Variants in ARID4B observed in about 807,000 individuals in gnomAD.
ARID4B encodes AT-rich interactive domain-containing protein 4B.
In ARID4B, 26 loss-of-function variants were observed where a neutral mutation model predicts 147.5. That is an observed-to-expected ratio of 0.18 (90% CI 0.13 to 0.24). ARID4B has a LOEUF of 0.24. ARID4B is among the 10% of genes least tolerant of loss of function. The pLI is 1.00. For synonymous variants in ARID4B, 512 were observed against 507.9 expected (o/e 1.01, Z -0.11); for missense variants, 1,179 against 1,511.5 (o/e 0.78, Z 3.65).
chr1:235,319,049 G>T (rs903629410), intron 2 of ARID4B, among the ~76,000 whole-genome samples: 8 of 152,278 alleles, frequency 5.3e-5, no homozygotes, highest in Admixed American at 3.3e-4. Flanking sequence ...AGCTACTCAG[G>T]AAGTTGAGGG....
intron 2 of ARID4B, among the ~76,000 whole-genome samples, chr1:235,293,074 C>T (rs941257354): frequency 3.9e-5 from 6 of 152,156 alleles, no homozygotes; most frequent in Non-Finnish European, 8.8e-5. Flanking sequence ...AACCAGAGCT[C>T]CTATTTTATT....
intron 2 of ARID4B, among the ~76,000 whole-genome samples, chr1:235,302,153 G>GAAAAAAAAAAAAAAAAAAAAAA (rs749154889): frequency 3.3e-5 from 1 of 30,654 alleles, no homozygotes; most frequent in Non-Finnish European, 5.5e-5. Flanking sequence ...TCAAAAAACG[G>GAAAAAAAAAAAAAAAAAAAAAA]AAAAAAAAAA....
At chr1:235,268,050 G>A (rs936142570) in intron 2 of ARID4B, among the ~76,000 whole-genome samples, 2 of 152,178 alleles carry the variant, frequency 1.3e-5, no homozygotes, top group African/African-American at 4.8e-5. Context: ...GACAGAAGCT[G>A]AATATACAAG....
At chr1:235,290,360 T>C (rs1672257358) in intron 2 of ARID4B, among the ~76,000 whole-genome samples, 1 of 151,568 alleles carries the variant, frequency 6.6e-6, no homozygotes, top group South Asian at 2.1e-4. Flanking sequence ...GGAGAACTGC[T>C]TGAACCAGGG....
chr1:235,247,603 A>C (rs1248315062), intron 6 of ARID4B, among the ~76,000 whole-genome samples: 1 of 152,234 alleles, frequency 6.6e-6, no homozygotes, highest in Non-Finnish European at 1.5e-5. Flanking sequence ...CATAGCTTTC[A>C]CAACTCTCAT....
intron 19 of ARID4B, among the ~76,000 whole-genome samples, chr1:235,192,701 T>A (rs926871927): frequency 6.6e-6 from 1 of 152,118 alleles, no homozygotes; most frequent in African/African-American, 2.4e-5. Flanking sequence ...CTCATAGATA[T>A]GTCCCCTTCC....
chr1:235,314,595 AAG>A (rs1674301138), intron 2 of ARID4B, among the ~76,000 whole-genome samples: 1 of 152,204 alleles, frequency 6.6e-6, no homozygotes, highest in African/African-American at 2.4e-5. Flanking sequence ...GCAGTAAATT[AAG>A]AGAGGGGACA....
Position 235,319,122 on chromosome 1 carries a change from C to A in ARID4B, c.6+7792G>T, listed in dbSNP as rs534569728. 3.9e-5 allele frequency among the ~76,000 whole-genome samples: 6 copies of A among 152,032 alleles called. No homozygotes were observed. In the South Asian group the frequency reaches 1.2e-3, roughly 32 times the overall value. ...TAGGTAACACAGCAAGACCTCATCT[C>A]TAAAAAAACAAACAAAAGAAATTAA... On this transcript the variant is annotated intron_variant, in intron 2 of 23. Transcript: ENST00000264183.
rs115244684 is a variant in ARID4B at position 235,194,063 on chromosome 1, G to A, written c.2075C>T (p.Thr692Ile). Residue 692 changes from threonine to isoleucine, a missense_variant, in exon 19 of 24, where the codon ACT becomes ATT. This residue lies in a region of ARID4B where 321 missense variants were observed against 342.4 expected (regional missense o/e 0.94). Coordinates refer to ENST00000264183, the MANE Select transcript of ARID4B (RefSeq NM_016374.6). ...LDLTDAKNSD[T>I]AHIKSIEITS... ...AATTTCTATGGACTTAATATGAGCA[G>A]TATCAGAGTTTTTGGCATCAGTGAG... The A allele has an allele frequency of 3.1e-6, 5 of 1,612,438 alleles. No homozygotes were observed. The highest frequency in any genetic ancestry group is 1.3e-5 in the African/African-American group (1 of 74,998).
Position 235,171,853 on chromosome 1 carries a change from G to C in ARID4B, c.3811+765C>G, listed in dbSNP as rs976856797. ...GACGGGGTTTCACTATGTTGGCCAA[G>C]CTGGTCTCGACCTCCTGACCTCAGG... On this transcript the variant is annotated intron_variant, in intron 23 of 23. Transcript: ENST00000264183. 3.9e-5 allele frequency among the ~76,000 whole-genome samples: 6 copies of C among 152,166 alleles called. 1 individual carries two copies. The highest frequency in any genetic ancestry group is 6.8e-3 in the Middle Eastern group (2 of 294).
chr1:235,318,168 C>CTTTTTTTTTTT, intron 2 of ARID4B, among the ~76,000 whole-genome samples: 1 of 111,988 alleles, frequency 8.9e-6, no homozygotes, highest in Non-Finnish European at 1.7e-5. Flanking sequence ...CTTGCTACTC[C>CTTTTTTTTTTT]TTTTTTTTTT....
chr1:235,312,072 G>A (rs1674087589), intron 2 of ARID4B, among the ~76,000 whole-genome samples: 1 of 151,960 alleles, frequency 6.6e-6, no homozygotes, highest in South Asian at 2.1e-4. Flanking sequence ...GGCAAATCAC[G>A]AGCTCAAGAG....
rs1675476545 is a variant in ARID4B, at chr1:235,328,080, G to A, written c.-361C>T. 1 of 153,238 alleles carries A rather than the reference G, an allele frequency of 6.5e-6. No individual in the cohort carries two copies. The highest frequency in any genetic ancestry group is 2.1e-4 in the South Asian group (1 of 4,876). 9.5% of individuals were successfully genotyped at this position (153,238 alleles called of 1,614,324 possible). ...CCCTCTGCAGCTCCCTCCGGGCAAA[G>A]GTCCAGGCGGTGGCCGTGGCGGCGG... On this transcript the variant is annotated 5_prime_UTR_variant, in exon 1 of 24. Coordinates refer to ENST00000264183, the MANE Select transcript of ARID4B (RefSeq NM_016374.6).
intron 10 of ARID4B, 24 bp from the exon 11 acceptor site, chr1:235,229,409 T>G: frequency 6.8e-7 from 1 of 1,473,044 alleles, no homozygotes; most frequent in Non-Finnish European, 9.4e-7. Flanking sequence ...ACAAGGTACA[T>G]GAACTGAAGA....
chr1:235,244,267 A>G (rs774745703), intron 7 of ARID4B, among the ~76,000 whole-genome samples: 5 of 152,158 alleles, frequency 3.3e-5, no homozygotes, highest in Non-Finnish European at 7.4e-5. Context: ...TATAACAGCA[A>G]ATAGACTGCT....
At chr1:235,187,027 C>CT (rs775319041) in intron 19 of ARID4B, 11 of 346,350 alleles carry the variant, frequency 3.2e-5, no homozygotes, top group South Asian at 2.2e-4. Flanking sequence ...CTTTCTTGTT[C>CT]TTTTCTTTTT....
intron 2 of ARID4B, among the ~76,000 whole-genome samples, chr1:235,320,700 C>T (rs1269690591): frequency 6.6e-6 from 1 of 152,176 alleles, no homozygotes; most frequent in South Asian, 2.1e-4. Context: ...TCTCTGACCT[C>T]CTCTCCTACC....
intron 17 of ARID4B, among the ~76,000 whole-genome samples, chr1:235,202,628 C>T (rs1024795408): frequency 1.3e-5 from 2 of 151,652 alleles, no homozygotes; most frequent in African/African-American, 4.9e-5. Flanking sequence ...CAGCTCACTG[C>T]AACCTCCGCC....
Position 235,167,368 on chromosome 1 carries a change from T to C in ARID4B, c.*1157A>G, listed in dbSNP as rs1663042967. On this transcript the variant is annotated 3_prime_UTR_variant, in exon 24 of 24. Transcript: ENST00000264183. ...AATGAACACATCCACAATATACAAA[T>C]GTCTTACAAAGGTGAAGAATTAAAT... 1 of 221,348 alleles carries C rather than the reference T, an allele frequency of 4.5e-6. No individual in the cohort carries two copies. Among genetic ancestry groups the C allele is most frequent in the Non-Finnish European group, 9.1e-6 (1 of 110,392 alleles). The allele number at this position is 221,348 out of a possible 1,614,324, so 13.7% of individuals were successfully genotyped here.
Sources: allele counts gnomAD v4.1 joint callset (sites outside exome capture counted in the v4.1 genomes callset), GRCh38; gene constraint gnomAD v4.1.1; regional missense constraint gnomAD v4.1.1; transcripts MANE v1.5; gene names NCBI Gene and HGNC (gene_info 2026-07-23, HGNC 2026-07-21).